ADAMTS18: variants seen among roughly 807,000 people sequenced by gnomAD.
The protein encoded by ADAMTS18 is A disintegrin and metalloproteinase with thrombospondin motifs 18.
A neutral mutation model predicts 165.9 loss-of-function variants in ADAMTS18; 157 were observed. The observed-to-expected ratio is 0.95, with a 90% CI of 0.83 to 1.08. ADAMTS18 has a LOEUF of 1.08. ADAMTS18 is among the 50% of genes least tolerant of loss of function. The pLI, the probability that ADAMTS18 is intolerant of heterozygous loss-of-function variation, is 0.00. For missense variants in ADAMTS18, 2,040 were observed against 1,534.0 expected, an observed-to-expected ratio of 1.33 and a Z score of -5.51; for synonymous variants, 782 against 578.2, an observed-to-expected ratio of 1.35 and a Z score of -5.06.
intron 12 of ADAMTS18, among the ~76,000 whole-genome samples, chr16:77,334,774 C>CTATAGTA (rs1248291281): frequency 9.9e-6 from 1 of 101,414 alleles, no homozygotes; most frequent in South Asian, 2.9e-4. Context: ...AGTATATATA[C>CTATAGTA]TATAGTATAC....
chr16:77,325,565 C>T (rs1597124477), intron 13 of ADAMTS18, among the ~76,000 whole-genome samples: 1 of 151,794 alleles, frequency 6.6e-6, no homozygotes, highest in East Asian at 2.0e-4. Context: ...ATTAAGATCC[C>T]TGGGAGACTT....
chr16:77,415,879 T>C (rs754742806), intron 3 of ADAMTS18, among the ~76,000 whole-genome samples: 8 of 152,178 alleles, frequency 5.3e-5, no homozygotes, highest in African/African-American at 2.4e-5. Flanking sequence ...TATTTCTAAA[T>C]TGCCAGGATA....
At chr16:77,401,530 G>T (rs576643734) in intron 3 of ADAMTS18, among the ~76,000 whole-genome samples, 1 of 152,218 alleles carries the variant, frequency 6.6e-6, no homozygotes, top group Non-Finnish European at 1.5e-5. Context: ...TCTGGCTGCA[G>T]AGCCTCAGTC....
At chr16:77,332,761 AC>A (rs1288488314) in intron 12 of ADAMTS18, among the ~76,000 whole-genome samples, 3 of 152,182 alleles carry the variant, frequency 2.0e-5, no homozygotes, top group Non-Finnish European at 4.4e-5. Flanking sequence ...GTATGACCAG[AC>A]CAAAGAGTGC....
chr16:77,362,935 C>G (rs1285649647), intron 6 of ADAMTS18, among the ~76,000 whole-genome samples: 1 of 152,178 alleles, frequency 6.6e-6, no homozygotes, highest in Non-Finnish European at 1.5e-5. Context: ...CTAACCAGCA[C>G]ACGCCTTTTC....
chr16:77,382,360 G>T (rs1202938418), intron 3 of ADAMTS18, among the ~76,000 whole-genome samples: 1 of 151,978 alleles, frequency 6.6e-6, no homozygotes, highest in South Asian at 2.1e-4. Flanking sequence ...ACAGGCGCCC[G>T]CCACCACGCC....
At chr16:77,317,798 T>C (rs2055914235) in intron 16 of ADAMTS18, among the ~76,000 whole-genome samples, 1 of 152,176 alleles carries the variant, frequency 6.6e-6, no homozygotes, top group South Asian at 2.1e-4. Context: ...TCATTACCAA[T>C]ATCATGGTAG....
Position 77,320,942 on chromosome 16 carries a change from G to C in ADAMTS18, c.2287+137C>G, listed in dbSNP as rs932999098. The C allele has an allele frequency of 4.6e-6, 5 of 1,089,536 alleles. 1 individual carries two copies. 67.5% of individuals were successfully genotyped at this position (1,089,536 alleles called of 1,614,324 possible). A position where few individuals can be genotyped will look rare whatever the true frequency, so the allele number is the denominator to read the frequency against. On this transcript the variant is annotated intron_variant, in intron 15 of 22. Coordinates refer to ENST00000282849, the MANE Select transcript of ADAMTS18 (RefSeq NM_199355.4). ...CCTCACAACTATCTCCCTTACTCTTGCACAAGTGAAAAATGCCACCATCAC... is the reference window on the plus strand; with the variant it reads ...CCTCACAACTATCTCCCTTACTCTTCCACAAGTGAAAAATGCCACCATCAC...
chr16:77,313,552 G>T (rs1165308059), intron 16 of ADAMTS18, among the ~76,000 whole-genome samples: 1 of 151,398 alleles, frequency 6.6e-6, no homozygotes, highest in Non-Finnish European at 1.5e-5. Context: ...CTGTGTTTAT[G>T]ACCAAAACTG....
chr16:77,413,657 G>T (rs2057493243), intron 3 of ADAMTS18, among the ~76,000 whole-genome samples: 1 of 151,744 alleles, frequency 6.6e-6, no homozygotes, highest in African/African-American at 2.4e-5. Flanking sequence ...AACTATAATT[G>T]CTTTGCTTTC....
intron 3 of ADAMTS18, among the ~76,000 whole-genome samples, chr16:77,407,070 C>A (rs1358234184): frequency 6.6e-6 from 1 of 151,986 alleles, no homozygotes; most frequent in African/African-American, 2.4e-5. Flanking sequence ...CAAACCTGCA[C>A]ATATATACCT....
At chr16:77,407,848 G>C (rs941736212) in intron 3 of ADAMTS18, among the ~76,000 whole-genome samples, 6 of 152,002 alleles carry the variant, frequency 3.9e-5, no homozygotes, top group Non-Finnish European at 7.4e-5. Flanking sequence ...TTTTACATTG[G>C]AAAATATTTT....
chr16:77,419,774 G>A (rs2057577102), intron 3 of ADAMTS18, among the ~76,000 whole-genome samples: 1 of 151,942 alleles, frequency 6.6e-6, no homozygotes, highest in African/African-American at 2.4e-5. Context: ...TGACAGGCAG[G>A]TGAATCATGA....
intron 3 of ADAMTS18, among the ~76,000 whole-genome samples, chr16:77,383,629 C>T (rs76582732): frequency 0.12 from 18,974 of 152,038 alleles, 1,486 homozygotes; most frequent in East Asian, 0.25. Context: ...CTGCAACCTC[C>T]ACCTCCCAGG....
chr16:77,406,781 A>AT (rs374441008), intron 3 of ADAMTS18, among the ~76,000 whole-genome samples: 2,326 of 151,892 alleles, frequency 0.015, 63 homozygotes, highest in African/African-American at 0.054. Flanking sequence ...AAAGAATATC[A>AT]TTTTTTTTGC....
intron 3 of ADAMTS18, among the ~76,000 whole-genome samples, chr16:77,375,485 G>C (rs945923541): frequency 2.0e-5 from 3 of 152,200 alleles, no homozygotes; most frequent in Admixed American, 1.3e-4. Flanking sequence ...GGAGGTAACG[G>C]AACACTTTTC....
At position 77,362,123 on chromosome 16, in the gene ADAMTS18, C is replaced by T. The variant is rs1239818884; in HGVS notation, c.1198G>A (p.Glu400Lys). Residue 400 changes from glutamate (E) to lysine (K), a missense_variant, in exon 7 of 23, where the codon GAA (glutamate) becomes AAA (lysine). Transcript: ENST00000282849. ...ACCATACCTAGAGTGTCACATGGTT[C>T]ATTCTTCCAAGAACAAATATCAAAT... is the stretch of plus-strand genomic sequence containing the variant. Reference protein sequence around the residue: ...TGFDICSWKNEPCDTLGFAPI... With the variant: ...TGFDICSWKNKPCDTLGFAPI... The T allele has an allele frequency of 1.2e-6, 2 of 1,614,050 alleles. No individual in the cohort carries two copies. Among genetic ancestry groups the T allele is most frequent in the Non-Finnish European group, 1.7e-6 (2 of 1,179,996 alleles).
chr16:77,321,089 A>G lies in ADAMTS18; in HGVS notation c.2277T>C (p.His759=), dbSNP rs755718561. ...KFYKGLYLNQ[H]KANEYYPVVL... ...AGCAGCATCTCTCACCATTTGCTTT[A>G]TGCTGGTTGAGGTACAGGCCTTTAT... The change falls in exon 15 of 23, where the codon CAT becomes CAC. Residue 759 remains histidine, a synonymous_variant. Transcript: ENST00000282849. 6.2e-7 allele frequency: 1 copy of G among 1,614,208 alleles called. No homozygotes were observed. Among genetic ancestry groups the G allele is most frequent in the Non-Finnish European group, 8.5e-7 (1 of 1,180,020 alleles).
intron 21 of ADAMTS18, chr16:77,290,459 T>C (rs550045822): frequency 3.7e-4 from 57 of 152,352 alleles, no homozygotes; most frequent in African/African-American, 1.2e-3. Flanking sequence ...CAGCAATATG[T>C]GTAACACCTA....
Sources: gnomAD v4.1 joint callset for allele counts (sites outside exome capture counted in the v4.1 genomes callset) on GRCh38, gnomAD v4.1.1 for gene constraint, MANE v1.5 for transcripts, NCBI Gene and HGNC (gene_info 2026-07-23, HGNC 2026-07-21) for gene names.